NHS: variants seen among roughly 807,000 people sequenced by gnomAD.
NHS encodes actin remodeling regulator NHS.
NHS carries 5 observed loss-of-function variants against 72.5 expected under a neutral mutation model. The observed-to-expected ratio is 0.07, with a 90% CI of 0.04 to 0.14. NHS has a LOEUF of 0.14. Among genes scored for constraint, NHS ranks in the 10% least tolerant of loss-of-function variants. NHS has a pLI of 1.00. For missense variants in NHS, 1,072 were observed against 1,355.7 expected (o/e 0.79, Z 3.29); for synonymous variants, 464 against 547.7 (o/e 0.85, Z 2.13).
At chrX:17,433,190 C>T (rs1162594338) in intron 1 of NHS, among the ~76,000 whole-genome samples, 7 of 100,175 alleles carry the variant, frequency 7.0e-5, no homozygotes, top group Admixed American at 2.2e-4. Flanking sequence ...CCACCACGCC[C>T]GGCTACTTTT....
chrX:17,651,096 G>C (rs890789115), intron 1 of NHS, among the ~76,000 whole-genome samples: 2 of 112,312 alleles, frequency 1.8e-5, no homozygotes, highest in Admixed American at 1.9e-4. Context: ...GTTTCCCAAG[G>C]CTACAAATAA....
chrX:17,605,300 G>A (rs1444138083), intron 1 of NHS, among the ~76,000 whole-genome samples: 1 of 111,916 alleles, frequency 8.9e-6, no homozygotes, highest in Non-Finnish European at 1.9e-5. Context: ...GCCAGGAATT[G>A]TATTTGCTTG....
chrX:17,516,284 G>A (rs536353930), intron 1 of NHS, among the ~76,000 whole-genome samples: 6 of 111,743 alleles, frequency 5.4e-5, no homozygotes, highest in Non-Finnish European at 9.4e-5. Flanking sequence ...ATATTGGACA[G>A]TGCATCCTTA....
intron 1 of NHS, among the ~76,000 whole-genome samples, chrX:17,649,185 A>G (rs2065919336): frequency 8.9e-6 from 1 of 112,292 alleles, no homozygotes; most frequent in Non-Finnish European, 1.9e-5. Flanking sequence ...GTTTGCAAAC[A>G]TAAACTTACA....
intron 1 of NHS, among the ~76,000 whole-genome samples, chrX:17,485,148 A>T (rs1374973021): frequency 8.9e-6 from 1 of 112,205 alleles, no homozygotes; most frequent in Non-Finnish European, 1.9e-5. Flanking sequence ...GCTATGGTAG[A>T]TCTAAAGAGG....
At chrX:17,728,615 T>C in intron 7 of NHS, 34 bp from the exon 8 acceptor site, 1 of 1,208,093 alleles carries the variant, frequency 8.3e-7, no homozygotes, top group East Asian at 3.0e-5. Flanking sequence ...GCTGGGTAAC[T>C]TCCTCTTAAA....
chrX:17,647,309 T>C (rs1457455274), intron 1 of NHS, among the ~76,000 whole-genome samples: 1 of 112,731 alleles, frequency 8.9e-6, no homozygotes, highest in African/African-American at 3.2e-5. Flanking sequence ...TAGTAATCCC[T>C]GTAGAGATTA....
chrX:17,414,229 C>T (rs2064579264), intron 1 of NHS, among the ~76,000 whole-genome samples: 1 of 112,415 alleles, frequency 8.9e-6, no homozygotes, highest in Admixed American at 9.4e-5. Context: ...CTGACATTCT[C>T]TTAACCTTAG....
chrX:17,415,403 T>C (rs2064588212), intron 1 of NHS, among the ~76,000 whole-genome samples: 1 of 111,210 alleles, frequency 9.0e-6, no homozygotes, highest in Non-Finnish European at 1.9e-5. Context: ...TCTCTTATCT[T>C]CTCCCCTTCC....
In NHS at chrX:17,571,604, T is replaced by C. The variant is rs151269935; in HGVS notation, c.566-116138T>C. ...AGTGGTCTATCTGTTTTGTTGATCT[T>C]TTCAAAAAACCAGCTCCTGGATTCA... On this transcript the variant is annotated intron_variant, in intron 1 of 8. Transcript: ENST00000676302. Among the ~76,000 whole-genome samples the C allele has an allele frequency of 9.0e-3, 1,014 of 112,048 alleles. 2 individuals carry two copies. Among genetic ancestry groups the C allele is most frequent in the Middle Eastern group, 0.028 (6 of 214 alleles).
At chrX:17,691,838 A>G (rs192729693) in intron 2 of NHS, among the ~76,000 whole-genome samples, 6 of 112,424 alleles carry the variant, frequency 5.3e-5, no homozygotes, top group Admixed American at 1.9e-4. Flanking sequence ...TACTCCCAAC[A>G]TGAGTTATTT....
At chrX:17,630,548 C>T (rs898722080) in intron 1 of NHS, among the ~76,000 whole-genome samples, 17 of 110,235 alleles carry the variant, frequency 1.5e-4, no homozygotes, top group African/African-American at 5.6e-4. Flanking sequence ...AAATGCAAGC[C>T]CCATCAACCA....
intron 1 of NHS, among the ~76,000 whole-genome samples, chrX:17,650,885 T>C (rs1190164305): frequency 1.8e-5 from 2 of 112,043 alleles, no homozygotes; most frequent in Non-Finnish European, 3.8e-5. Context: ...ATTTTGACAA[T>C]TGAATAGTCC....
Position 17,444,495 on chromosome X carries a change from C to A in NHS, c.565+68173C>A, listed in dbSNP as rs145209994. On this transcript the variant is annotated intron_variant, in intron 1 of 8. Coordinates refer to ENST00000676302, the MANE Select transcript of NHS (RefSeq NM_001291867.2). Reference sequence around the variant, plus strand: ...AAAATGCTGGTGCCTGAGTCCCATTCCAGACATTCAGAAGTAATTGGTATA... The same window carrying A: ...AAAATGCTGGTGCCTGAGTCCCATTACAGACATTCAGAAGTAATTGGTATA... Among the ~76,000 whole-genome samples, 153 of 112,358 alleles carry A rather than the reference C, an allele frequency of 1.4e-3. 1 individual carries two copies. The highest frequency in any genetic ancestry group is 4.7e-3 in the African/African-American group (144 of 30,936).
chrX:17,430,263 CTT>C (rs1491181197), intron 1 of NHS, among the ~76,000 whole-genome samples: 2 of 10,860 alleles, frequency 1.8e-4, no homozygotes, highest in Non-Finnish European at 3.6e-4. Context: ...CTTTCTTTTT[CTT>C]TCTTTCTTTC....
chrX:17,600,286 C>CAGAGAGAG (rs113777136), intron 1 of NHS, among the ~76,000 whole-genome samples: 1 of 101,358 alleles, frequency 9.9e-6, no homozygotes, highest in African/African-American at 3.6e-5. Context: ...CAGAGAGAGA[C>CAGAGAGAG]AGAGAGAGAG....
chrX:17,704,593 C>T (rs1008593861), intron 3 of NHS, among the ~76,000 whole-genome samples: 9 of 111,310 alleles, frequency 8.1e-5, no homozygotes, highest in Non-Finnish European at 1.1e-4. Context: ...CCGCCACGCC[C>T]GGCCAAAATT....
At chrX:17,596,867 A>T (rs1028429208) in intron 1 of NHS, among the ~76,000 whole-genome samples, 1 of 111,298 alleles carries the variant, frequency 9.0e-6, no homozygotes, top group Admixed American at 9.6e-5. Context: ...CCTGTGCCCT[A>T]AGGCCTCCAA....
chrX:17,404,411 A>G (rs1418152229), intron 1 of NHS, among the ~76,000 whole-genome samples: 1 of 111,430 alleles, frequency 9.0e-6, no homozygotes, highest in African/African-American at 3.3e-5. Context: ...CTGAAGCACT[A>G]TATTGGTTTC....
Sources: gnomAD v4.1 joint callset for allele counts (sites outside exome capture counted in the v4.1 genomes callset) on GRCh38, gnomAD v4.1.1 for gene constraint, MANE v1.5 for transcripts, NCBI Gene and HGNC (gene_info 2026-07-23, HGNC 2026-07-21) for gene names.